OR6N1: variants seen among roughly 807,000 people sequenced by gnomAD.
OR6N1 encodes olfactory receptor family 6 subfamily N member 1.
For synonymous variants in OR6N1, 170 were observed against 150.7 expected (o/e 1.13, Z -0.94); for missense variants, 394 against 371.7 (o/e 1.06, Z -0.49).
chr1:158,776,944 G>T (rs1415795693), upstream of OR6N1: 8 of 1,613,902 alleles, frequency 5.0e-6, no homozygotes, highest in Non-Finnish European at 5.9e-6. Context: ...TCTTCCTGAT[G>T]CTGTTTTTAT....
chr1:158,824,507 G>A, the OR6N1 span, among the ~76,000 whole-genome samples: 2 of 152,132 alleles, frequency 1.3e-5, no homozygotes, highest in South Asian at 4.1e-4. Context: ...TTTAGAGTAT[G>A]TGCCATGTGG....
At chr1:158,811,175 AC>A in the OR6N1 span, among the ~76,000 whole-genome samples, 2 of 152,020 alleles carry the variant, frequency 1.3e-5, no homozygotes, top group Admixed American at 1.3e-4. Context: ...GAGGATAATG[AC>A]CTCCAGCTCC....
At chr1:158,777,686 G>A in the OR6N1 span, 2 of 1,195,856 alleles carry the variant, frequency 1.7e-6, no homozygotes, top group South Asian at 2.9e-5. Context: ...TGAGATGACT[G>A]CTGAATCCAT....
At chr1:158,792,484 C>T in the OR6N1 span, among the ~76,000 whole-genome samples, 1 of 152,056 alleles carries the variant, frequency 6.6e-6, no homozygotes, top group African/African-American at 2.4e-5. Context: ...ATTTTATAAG[C>T]CCTTTAGGAG....
chr1:158,797,071 C>T, the OR6N1 span, among the ~76,000 whole-genome samples: 1 of 152,136 alleles, frequency 6.6e-6, no homozygotes, highest in South Asian at 2.1e-4. Flanking sequence ...AACATACCTC[C>T]TACAGTGAGG....
chr1:158,833,861 A>G, the OR6N1 span, among the ~76,000 whole-genome samples: 3 of 152,220 alleles, frequency 2.0e-5, no homozygotes, highest in East Asian at 5.8e-4. Flanking sequence ...TTTTGGGAAT[A>G]TATCTAGAAG....
chr1:158,775,081 T>C (rs1657553784), upstream of OR6N1: 1 of 152,224 alleles, frequency 6.6e-6, no homozygotes, highest in African/African-American at 2.4e-5. Flanking sequence ...CCAAATCTAG[T>C]TTATAGATAC....
At chr1:158,776,929 T>A (rs779913803), upstream of OR6N1, 1 of 1,613,970 alleles carries the variant, frequency 6.2e-7, no homozygotes, top group Non-Finnish European at 8.5e-7. Flanking sequence ...AGAAAAGGCC[T>A]TCTTTCTTCC....
At chr1:158,793,168 C>T in the OR6N1 span, among the ~76,000 whole-genome samples, 1 of 151,706 alleles carries the variant, frequency 6.6e-6, no homozygotes, top group Non-Finnish European at 1.5e-5. Flanking sequence ...ATTTTTTATG[C>T]ATATCCTGAA....
the OR6N1 span, among the ~76,000 whole-genome samples, chr1:158,793,887 A>G: frequency 6.6e-6 from 1 of 152,170 alleles, no homozygotes; most frequent in Admixed American, 6.5e-5. Flanking sequence ...GAGATGCACC[A>G]GGTCTTTTCA....
chr1:158,799,337 A>T, the OR6N1 span, among the ~76,000 whole-genome samples: 4 of 152,208 alleles, frequency 2.6e-5, no homozygotes, highest in African/African-American at 9.7e-5. Context: ...TACCTTCCCA[A>T]TAATTACTCT....
At chr1:158,808,307 T>G in the OR6N1 span, 1 of 151,636 alleles carries the variant, frequency 6.6e-6, no homozygotes, top group Non-Finnish European at 1.5e-5. Flanking sequence ...CTGGCTAATT[T>G]TTTTTGTATT....
At chr1:158,791,917 C>T in the OR6N1 span, among the ~76,000 whole-genome samples, 2 of 152,174 alleles carry the variant, frequency 1.3e-5, no homozygotes, top group Non-Finnish European at 2.9e-5. Context: ...TCCATTTGTT[C>T]TACAGCACAG....
In OR6N1 at chr1:158,766,189, C is replaced by T. The variant is rs140609081; in HGVS notation, c.494G>A (p.Arg165His). Residue 165 changes from arginine to histidine, a missense_variant, in exon 2 of 2, where the codon CGC (arginine) becomes CAC (histidine). Arg to His is a conservative substitution (Grantham distance 29). Coordinates refer to ENST00000641846, the MANE Select transcript of OR6N1 (RefSeq NM_001005185.2). Reference sequence around the variant, plus strand: ...GCGATTGGGGCCACAGAATGGGAGGCGTGAAATCAAGGAAATTTCAACTAC... The same window carrying T: ...GCGATTGGGGCCACAGAATGGGAGGTGTGAAATCAAGGAAATTTCAACTAC... ...GPVVEISLIS[R>H]LPFCGPNRIQ... 5.5e-5 allele frequency: 88 copies of T among 1,613,968 alleles called. No individual in the cohort carries two copies. The East Asian group carries it at 1.0e-3, about 19-fold the overall frequency.
chr1:158,799,296 C>A, the OR6N1 span, among the ~76,000 whole-genome samples: 13 of 152,154 alleles, frequency 8.5e-5, no homozygotes, highest in African/African-American at 3.1e-4. Context: ...ATTGGCATTA[C>A]GTTTAGACCT....
chr1:158,781,336 G>A, the OR6N1 span: 1 of 152,306 alleles, frequency 6.6e-6, no homozygotes, highest in Non-Finnish European at 1.5e-5. Context: ...GCAGAAGGAA[G>A]GGAGACCTCC....
At chr1:158,802,199 CTTTTT>C in the OR6N1 span, among the ~76,000 whole-genome samples, 14,467 of 104,442 alleles carry the variant, frequency 0.14, 757 homozygotes, top group South Asian at 0.3. Context: ...CCTCATAGCA[CTTTTT>C]TTTTTTTTTT....
the OR6N1 span, among the ~76,000 whole-genome samples, chr1:158,828,013 C>A: frequency 6.6e-6 from 1 of 152,206 alleles, no homozygotes; most frequent in Admixed American, 6.5e-5. Flanking sequence ...TTTTAAAAAC[C>A]GTCAGATCTT....
the OR6N1 span, chr1:158,777,275 C>A: frequency 6.2e-7 from 1 of 1,614,072 alleles, no homozygotes; most frequent in Non-Finnish European, 8.5e-7. Flanking sequence ...AGGTATCTAT[C>A]ATAGGCCATG....
Sources: gnomAD v4.1 joint callset for allele counts (sites outside exome capture counted in the v4.1 genomes callset) on GRCh38, gnomAD v4.1.1 for gene constraint, MANE v1.5 for transcripts, NCBI Gene and HGNC (gene_info 2026-07-23, HGNC 2026-07-21) for gene names.